The following SDK1 variants were observed in gnomAD, a reference collection of about 807,000 sequenced individuals.
SDK1 encodes sidekick cell adhesion molecule 1.
A neutral mutation model predicts 245.5 loss-of-function variants in SDK1; 157 were observed. The ratio of observed to expected loss-of-function variants is 0.64; its 90% CI spans 0.56 to 0.73. The LOEUF is 0.73. SDK1 is among the 30% of genes least tolerant of loss of function. The pLI, the probability that SDK1 is intolerant of heterozygous loss-of-function variation, is 0.00. For synonymous variants in SDK1, 1,647 were observed against 1,278.5 expected, an observed-to-expected ratio of 1.29 and a Z score of -6.15; for missense variants, 3,583 against 3,002.3, an observed-to-expected ratio of 1.19 and a Z score of -4.52.
At chr7:3,911,880 G>A (rs1779178380) in intron 5 of SDK1, among the ~76,000 whole-genome samples, 1 of 152,172 alleles carries the variant, frequency 6.6e-6, no homozygotes, top group African/African-American at 2.4e-5. Flanking sequence ...GCAAATATGT[G>A]ACCTGAGGGA....
intron 1 of SDK1, among the ~76,000 whole-genome samples, chr7:3,431,815 A>C (rs1239230981): frequency 6.6e-6 from 1 of 152,130 alleles, no homozygotes; most frequent in Non-Finnish European, 1.5e-5. Flanking sequence ...ACATAGGTGC[A>C]TTCATATGTG....
At chr7:4,184,453 A>G (rs568059740) in intron 35 of SDK1, among the ~76,000 whole-genome samples, 2 of 91,860 alleles carry the variant, frequency 2.2e-5, no homozygotes, top group East Asian at 5.4e-4. Context: ...AGTCCTGCTC[A>G]TAAGATGAGT....
chr7:4,039,334 A>G (rs1028225779), intron 17 of SDK1, among the ~76,000 whole-genome samples: 5 of 152,152 alleles, frequency 3.3e-5, no homozygotes, highest in African/African-American at 1.2e-4. Context: ...TGATGGGAAA[A>G]TATCTCTCTA....
intron 5 of SDK1, among the ~76,000 whole-genome samples, chr7:3,870,322 C>G (rs1395180560): frequency 2.0e-5 from 3 of 152,074 alleles, no homozygotes; most frequent in Non-Finnish European, 4.4e-5. Flanking sequence ...CCCTTTTAAG[C>G]TGAGGGAACT....
intron 27 of SDK1, chr7:4,130,355 G>C (rs745986135): frequency 6.2e-6 from 3 of 483,968 alleles, no homozygotes; most frequent in Non-Finnish European, 1.1e-5. Flanking sequence ...GTGCTGGGGA[G>C]AGGCAGCAGA....
At chr7:4,046,593 A>G (rs1310005755) in intron 17 of SDK1, among the ~76,000 whole-genome samples, 6 of 152,226 alleles carry the variant, frequency 3.9e-5, no homozygotes, top group Non-Finnish European at 8.8e-5. Flanking sequence ...ATTGAAAACC[A>G]GTGATATATG....
At chr7:3,754,991 G>C (rs1779879275) in intron 4 of SDK1, among the ~76,000 whole-genome samples, 4 of 152,200 alleles carry the variant, frequency 2.6e-5, no homozygotes, top group Admixed American at 2.6e-4. Flanking sequence ...GAAAGGCTTT[G>C]TTTTATAAAG....
chr7:3,336,116 A>C (rs988669634), intron 1 of SDK1, among the ~76,000 whole-genome samples: 3 of 152,158 alleles, frequency 2.0e-5, no homozygotes, highest in Non-Finnish European at 4.4e-5. Context: ...GGACAGGGGA[A>C]GGGAGGGTGG....
intron 25 of SDK1, among the ~76,000 whole-genome samples, chr7:4,114,752 T>A (rs1353226053): frequency 6.6e-6 from 1 of 152,186 alleles, no homozygotes; most frequent in Non-Finnish European, 1.5e-5. Context: ...GCGTTCCTGT[T>A]TGGCGGGTGG....
intron 1 of SDK1, among the ~76,000 whole-genome samples, chr7:3,590,050 T>C (rs1486194172): frequency 6.6e-6 from 1 of 152,192 alleles, no homozygotes; most frequent in Non-Finnish European, 1.5e-5. Context: ...GAAAATTAGT[T>C]TTCCTATTAG....
At chr7:3,390,351 A>G (rs1781718262) in intron 1 of SDK1, among the ~76,000 whole-genome samples, 1 of 152,198 alleles carries the variant, frequency 6.6e-6, no homozygotes, top group African/African-American at 2.4e-5. Flanking sequence ...AGCCTTTTAA[A>G]TGTTTACCAC....
At chr7:4,050,771 A>T (rs1562729813) in intron 18 of SDK1, among the ~76,000 whole-genome samples, 3 of 151,252 alleles carry the variant, frequency 2.0e-5, no homozygotes, top group Non-Finnish European at 4.4e-5. Context: ...GCTTTCTAGA[A>T]AAATATTTGT....
chr7:3,628,892 A>G (rs1782198616), intron 2 of SDK1, among the ~76,000 whole-genome samples: 2 of 152,218 alleles, frequency 1.3e-5, no homozygotes, highest in East Asian at 3.8e-4. Context: ...GCTGTGGCAC[A>G]GAGAAGGAAA....
At chr7:3,571,886 C>T (rs971309679) in intron 1 of SDK1, among the ~76,000 whole-genome samples, 1 of 152,018 alleles carries the variant, frequency 6.6e-6, no homozygotes, top group Admixed American at 6.6e-5. Flanking sequence ...CGGTATATTT[C>T]TACCTAGCCC....
chr7:3,586,058 G>T (rs775964906), intron 1 of SDK1, among the ~76,000 whole-genome samples: 1 of 152,146 alleles, frequency 6.6e-6, no homozygotes, highest in South Asian at 2.1e-4. Flanking sequence ...TAAAGGAAGA[G>T]GAATTGCCTT....
At position 3,483,056 on chromosome 7, in the gene SDK1, A is replaced by C. The variant is rs113464228; in HGVS notation, c.299-136024A>C. ...TATTGTAAACTTTTTAAAATGTTCA[A>C]ATTTTTTCATTGTTCTTTTTAGAAG... On this transcript the variant is annotated intron_variant, in intron 1 of 44. Transcript: ENST00000404826. Among the ~76,000 whole-genome samples, 1,321 of 152,250 alleles carry C rather than the reference A, an allele frequency of 8.7e-3. 29 individuals are homozygous for C. Among genetic ancestry groups the C allele is most frequent in the African/African-American group, 0.03 (1,231 of 41,528 alleles).
intron 7 of SDK1, among the ~76,000 whole-genome samples, chr7:3,955,136 C>G (rs1366439492): frequency 5.9e-5 from 9 of 152,296 alleles, no homozygotes; most frequent in Middle Eastern, 3.4e-3. Flanking sequence ...GGCTCGGAAA[C>G]TCGGACGGCG....
chr7:3,982,360 A>C (rs1304847919), intron 13 of SDK1, among the ~76,000 whole-genome samples: 2 of 152,220 alleles, frequency 1.3e-5, no homozygotes, highest in African/African-American at 2.4e-5. Context: ...TGTGGGTTTC[A>C]TGCCTGCTAG....
intron 5 of SDK1, among the ~76,000 whole-genome samples, chr7:3,852,160 G>A (rs924752691): frequency 2.0e-5 from 3 of 151,548 alleles, no homozygotes; most frequent in East Asian, 1.9e-4. Context: ...AGCTTTGGAC[G>A]AGAGTGTGGG....
Sources: allele counts gnomAD v4.1 joint callset (sites outside exome capture counted in the v4.1 genomes callset), GRCh38; gene constraint gnomAD v4.1.1; transcripts MANE v1.5; gene names NCBI Gene and HGNC (gene_info 2026-07-23, HGNC 2026-07-21).